Variants in NPL observed in about 807,000 individuals in gnomAD.
NPL encodes N-acetylneuraminate lyase.
Under a neutral mutation model 41.1 loss-of-function variants are expected in NPL, and 32 were observed. The ratio of observed to expected loss-of-function variants is 0.78; its 90% CI spans 0.59 to 1.05. NPL has a LOEUF of 1.05. Ranked by LOEUF, NPL falls within the 50% of genes least tolerant of loss-of-function variation. The pLI, the probability that NPL is intolerant of heterozygous loss-of-function variation, is 0.00. For missense variants in NPL, 321 were observed against 378.4 expected, an observed-to-expected ratio of 0.85 and a Z score of 1.26; for synonymous variants, 128 against 134.9, an observed-to-expected ratio of 0.95 and a Z score of 0.35.
At chr1:182,804,912 G>C (rs1666960947) in intron 4 of NPL, among the ~76,000 whole-genome samples, 1 of 152,134 alleles carries the variant, frequency 6.6e-6, no homozygotes, top group Non-Finnish European at 1.5e-5. Context: ...GATCTCCCCT[G>C]GGTATGAGGA....
At chr1:182,827,968 ATAG>A (rs1667673867) in intron 12 of NPL, among the ~76,000 whole-genome samples, 3 of 152,154 alleles carry the variant, frequency 2.0e-5, no homozygotes, top group African/African-American at 7.2e-5. Flanking sequence ...ATTTTTTAGT[ATAG>A]TACCTATACT....
chr1:182,822,220 C>T, intron 11 of NPL, 21 bp downstream of exon 11: 1 of 1,496,576 alleles, frequency 6.7e-7, no homozygotes, highest in Non-Finnish European at 9.3e-7. Flanking sequence ...TCTTCTCTTC[C>T]CATAAATCAC....
At chr1:182,824,654 G>A (rs568616852) in intron 11 of NPL, among the ~76,000 whole-genome samples, 57 of 151,952 alleles carry the variant, frequency 3.8e-4, no homozygotes, top group African/African-American at 5.6e-4. Flanking sequence ...AAAATTAGCC[G>A]GGCGTGGTGG....
chr1:182,806,179 C>T lies in NPL; in HGVS notation c.177C>T (p.Ser59=), dbSNP rs147098010. The change falls in exon 5 of 13, where the codon AGC becomes AGT. Residue 59 remains serine, a synonymous_variant. Coordinates refer to ENST00000367553, the MANE Select transcript of NPL (RefSeq NM_030769.3). ...CAACAGGAGAAGGCCTGTCCCTGAG[C>T]GTCTCAGAGCGTCGCCAGGTTGCAG... is the stretch of plus-strand genomic sequence containing the variant. ...NGTTGEGLSL[S]VSERRQVAEE... The T allele has an allele frequency of 1.5e-4, 242 of 1,614,190 alleles. No homozygotes were observed. The highest frequency in any genetic ancestry group is 2.1e-4 in the African/African-American group (16 of 75,064).
chr1:182,824,230 A>G (rs1667568690), intron 11 of NPL, among the ~76,000 whole-genome samples: 1 of 152,256 alleles, frequency 6.6e-6, no homozygotes, highest in South Asian at 2.1e-4. Context: ...TGAATTATAT[A>G]TAGCTCTTAA....
At chr1:182,811,669 AACTT>A (rs2102550890) in intron 5 of NPL, among the ~76,000 whole-genome samples, 1 of 152,292 alleles carries the variant, frequency 6.6e-6, no homozygotes, top group South Asian at 2.1e-4. Flanking sequence ...CTCTGCCTCT[AACTT>A]AATGAGAGAT....
At chr1:182,806,849 T>C (rs1571436617) in intron 5 of NPL, among the ~76,000 whole-genome samples, 2 of 152,194 alleles carry the variant, frequency 1.3e-5, no homozygotes, top group East Asian at 3.9e-4. Flanking sequence ...GTTTTTGTTT[T>C]TGTTTTTCTT....
intron 5 of NPL, among the ~76,000 whole-genome samples, chr1:182,806,704 T>C (rs1231053018): frequency 3.3e-5 from 5 of 152,248 alleles, no homozygotes; most frequent in Admixed American, 2.0e-4. Flanking sequence ...CCTCTTGCGC[T>C]GTTGGAGGAC....
At chr1:182,794,313 C>G (rs965617565) in intron 2 of NPL, 43 bp from the exon 3 acceptor site, 1 of 1,521,718 alleles carries the variant, frequency 6.6e-7, no homozygotes, top group East Asian at 2.3e-5. Flanking sequence ...TTATCATTGA[C>G]ATTCCTTGAA....
intron 3 of NPL, among the ~76,000 whole-genome samples, chr1:182,800,588 C>A (rs1200594824): frequency 6.6e-6 from 1 of 152,048 alleles, no homozygotes; most frequent in African/African-American, 2.4e-5. Flanking sequence ...AGCATCCCAG[C>A]CCAAGGCTGC....
chr1:182,819,195 G>A (rs998853557), intron 10 of NPL, among the ~76,000 whole-genome samples: 1 of 151,998 alleles, frequency 6.6e-6, no homozygotes, highest in African/African-American at 2.4e-5. Flanking sequence ...AGTGGCTCAC[G>A]CCTGTAATCC....
chr1:182,829,068 T>TGTG lies in NPL; in HGVS notation c.*160_*161insGTG. 2 of 1,453,984 alleles carry TGTG rather than the reference T, an allele frequency of 1.4e-6. No homozygotes were observed. The highest frequency in any genetic ancestry group is 1.8e-6 in the Non-Finnish European group (2 of 1,110,946). 90.1% of individuals were successfully genotyped at this position (1,453,984 alleles called of 1,614,324 possible). ...ACCTTTTGTGAGCCTTAAAAAGTCT[T>TGTG]ATTTTGTGAAGGGGCAAAAACTCTA... On this transcript the variant is annotated 3_prime_UTR_variant, in exon 13 of 13. Transcript: ENST00000367553.
Position 182,828,863 on chromosome 1 carries a change from TTC to T in NPL, c.920_921del (p.Ser307PhefsTer3). The T allele has an allele frequency of 6.2e-7, 1 of 1,614,220 alleles. No individual in the cohort carries two copies. Among genetic ancestry groups the T allele is most frequent in the Non-Finnish European group, 8.5e-7 (1 of 1,180,020 alleles). On this transcript the variant is annotated frameshift_variant, in exon 13 of 13. Coordinates refer to ENST00000367553, the MANE Select transcript of NPL (RefSeq NM_030769.3). LOFTEE classifies it high-confidence loss of function. The surrounding 1 kb of genome is among the most constrained non-coding windows in gnomAD (Gnocchi z 4.0). ...CTAAACTGAAGAGCCTGGATTTCCT[TTC>T]TTTCACTGATTTAAAGGATGGAAAC... ...EAKLKSLDFL[S>X]FTDLKDGNLE...
At chr1:182,790,008 G>A (rs1032010488) in intron 1 of NPL, among the ~76,000 whole-genome samples, 2 of 152,162 alleles carry the variant, frequency 1.3e-5, no homozygotes, top group Non-Finnish European at 2.9e-5. Flanking sequence ...ACAGACGGGG[G>A]CAGAAGAACT....
At chr1:182,808,814 C>T (rs1382263706) in intron 5 of NPL, among the ~76,000 whole-genome samples, 1 of 152,050 alleles carries the variant, frequency 6.6e-6, no homozygotes, top group East Asian at 1.9e-4. Context: ...TAATAATTAG[C>T]CGGGCATAGT....
At chr1:182,816,582 A>T in intron 7 of NPL, 132 bp from the exon 8 acceptor site, 1 of 701,816 alleles carries the variant, frequency 1.4e-6, no homozygotes, top group Non-Finnish European at 2.6e-6. Context: ...AGTAGCAGGG[A>T]TAGTAAAAGT....
intron 2 of NPL, among the ~76,000 whole-genome samples, chr1:182,793,333 A>G (rs764219254): frequency 3.8e-4 from 58 of 152,250 alleles, no homozygotes; most frequent in African/African-American, 1.3e-3. Flanking sequence ...TACACTGATT[A>G]TGGGCAGGTA....
rs538159467 is a variant in NPL, at chr1:182,811,280, G to T, written c.231-876G>T. 4.7e-4 allele frequency among the ~76,000 whole-genome samples: 71 copies of T among 151,854 alleles called. 1 individual carries two copies. Among genetic ancestry groups the T allele is most frequent in the South Asian group, 2.7e-3 (13 of 4,792 alleles). On this transcript the variant is annotated intron_variant, in intron 5 of 12. Coordinates refer to ENST00000367553, the MANE Select transcript of NPL (RefSeq NM_030769.3). ...GTCTTGCTCTGTTGCCCAGCCTGGG[G>T]TGCAGTGGTGTGATCTTGGCTCACT...
At position 182,805,797 on chromosome 1, in the gene NPL, T is replaced by G. The variant is rs573471018; in HGVS notation, c.143-348T>G. Reference sequence around the variant, plus strand: ...TCCCACTTATTTGACATCCTGGTACTAGATAGTGTTGATTTCCCTGCCATT... The same window carrying G: ...TCCCACTTATTTGACATCCTGGTACGAGATAGTGTTGATTTCCCTGCCATT... On this transcript the variant is annotated intron_variant, in intron 4 of 12. Transcript: ENST00000367553. 2.6e-5 allele frequency among the ~76,000 whole-genome samples: 4 copies of G among 152,332 alleles called. No individual in the cohort carries two copies. In the South Asian group the frequency reaches 8.3e-4, roughly 32 times the overall value.
Sources: allele counts gnomAD v4.1 joint callset (sites outside exome capture counted in the v4.1 genomes callset), GRCh38; gene constraint gnomAD v4.1.1; non-coding constraint Gnocchi (gnomAD v3.1); transcripts MANE v1.5; gene names NCBI Gene and HGNC (gene_info 2026-07-23, HGNC 2026-07-21).